The following DTL variants were observed in gnomAD, a reference collection of about 807,000 sequenced individuals.
DTL encodes denticleless protein homolog.
DTL carries 46 observed loss-of-function variants against 87.0 expected under a neutral mutation model. The ratio of observed to expected loss-of-function variants is 0.53; its 90% CI spans 0.42 to 0.68. The LOEUF is 0.68. Among genes scored for constraint, DTL ranks in the 30% least tolerant of loss-of-function variants. The pLI is 0.00. For synonymous variants in DTL, 308 were observed against 311.2 expected, an observed-to-expected ratio of 0.99 and a Z score of 0.11; for missense variants, 737 against 869.4, an observed-to-expected ratio of 0.85 and a Z score of 1.91.
In DTL at chr1:212,100,947, G is replaced by A; in HGVS notation, c.1957G>A (p.Glu653Lys). 1 of 1,614,178 alleles carries A rather than the reference G, an allele frequency of 6.2e-7. No homozygotes were observed. The highest frequency in any genetic ancestry group is 8.5e-7 in the Non-Finnish European group (1 of 1,180,020). Reference protein sequence around the residue: ...CGEGSEMVGKENSSPENKNWL... With the variant: ...CGEGSEMVGKKNSSPENKNWL... ...AGAAGGGTCTGAAATGGTAGGCAAA[G>A]AGAATAGTTCCCCAGAGAATAAAAA... Residue 653 changes from glutamate (E) to lysine (K), a missense_variant, in exon 14 of 15, where the codon GAG becomes AAG. Physicochemically the swap from Glu to Lys is moderately conservative, Grantham distance 56. Transcript: ENST00000366991.
chr1:212,089,589 A>G (rs760427526), intron 13 of DTL, among the ~76,000 whole-genome samples: 3 of 152,196 alleles, frequency 2.0e-5, no homozygotes, highest in African/African-American at 4.8e-5. Flanking sequence ...TTTTTTTACC[A>G]TTAACTTTCA....
At chr1:212,036,235 GC>G (rs1346675293) in intron 1 of DTL, among the ~76,000 whole-genome samples, 13 of 152,290 alleles carry the variant, frequency 8.5e-5, no homozygotes, top group Middle Eastern at 6.8e-3. Flanking sequence ...ACGGGAAAAT[GC>G]ATGCATTTGT....
intron 6 of DTL, among the ~76,000 whole-genome samples, 200 bp downstream of exon 6, chr1:212,063,149 T>G (rs1464580344): frequency 6.6e-6 from 1 of 152,186 alleles, no homozygotes; most frequent in Non-Finnish European, 1.5e-5. Flanking sequence ...TTACAAGTAT[T>G]ACACTCATGT....
chr1:212,098,846 G>A (rs947125273), intron 13 of DTL, among the ~76,000 whole-genome samples: 22 of 151,912 alleles, frequency 1.4e-4, no homozygotes, highest in Non-Finnish European at 2.8e-4. Flanking sequence ...AAGCAAGCAG[G>A]GCTGTTAGGC....
At chr1:212,076,738 A>G (rs192005977) in intron 11 of DTL, among the ~76,000 whole-genome samples, 10 of 152,316 alleles carry the variant, frequency 6.6e-5, no homozygotes, top group Non-Finnish European at 1.3e-4. Flanking sequence ...GGAGGAAAGG[A>G]AAATTTCTGT....
At chr1:212,100,184 TTGA>T in intron 13 of DTL, 65 bp from the exon 14 acceptor site, 1 of 1,259,590 alleles carries the variant, frequency 7.9e-7, no homozygotes, top group Non-Finnish European at 1.1e-6. Context: ...ATGATTTTTC[TTGA>T]TGAGAATTTA....
chr1:212,053,964 A>T (rs1238155750), intron 5 of DTL, among the ~76,000 whole-genome samples: 1 of 152,196 alleles, frequency 6.6e-6, no homozygotes, highest in Non-Finnish European at 1.5e-5. Context: ...TTAAGATTAT[A>T]TTCAGGACAT....
intron 13 of DTL, among the ~76,000 whole-genome samples, chr1:212,092,902 C>T (rs1239641345): frequency 2.0e-5 from 3 of 152,136 alleles, no homozygotes; most frequent in Non-Finnish European, 4.4e-5. Context: ...AAAGTGTTCC[C>T]TTTCCACCAC....
chr1:212,051,792 A>G lies in DTL; in HGVS notation c.460+4375A>G, dbSNP rs556921381. Reference sequence around the variant, plus strand: ...AACTTGTTTGTTTACAACAATGCCAACAGCATGCTGGGTAACATTGTAGAC... The same window carrying G: ...AACTTGTTTGTTTACAACAATGCCAGCAGCATGCTGGGTAACATTGTAGAC... On this transcript the variant is annotated intron_variant, in intron 5 of 14. Transcript: ENST00000366991. The G allele has an allele frequency of 3.2e-5, 24 of 743,428 alleles. No individual in the cohort carries two copies. In the African/African-American group the frequency reaches 3.5e-4, roughly 11 times the overall value. The allele number at this position is 743,428 out of a possible 1,614,324, so 46.1% of individuals were successfully genotyped here.
intron 5 of DTL, among the ~76,000 whole-genome samples, chr1:212,048,469 G>A (rs1334626763): frequency 6.6e-6 from 1 of 152,142 alleles, no homozygotes; most frequent in Admixed American, 6.5e-5. Context: ...GGGATTACAG[G>A]CATGAGCCAC....
intron 1 of DTL, among the ~76,000 whole-genome samples, chr1:212,036,751 A>G (rs1667480135): frequency 6.6e-6 from 1 of 152,202 alleles, no homozygotes. Context: ...CTTTTTGGTA[A>G]GTTTCAGATA....
intron 14 of DTL, among the ~76,000 whole-genome samples, chr1:212,101,420 C>T (rs1655622458): frequency 6.6e-6 from 1 of 152,162 alleles, no homozygotes; most frequent in Non-Finnish European, 1.5e-5. Flanking sequence ...AAGCCTTCAT[C>T]ATGCTCCAGG....
chr1:212,082,260 G>T (rs377527916), intron 13 of DTL, among the ~76,000 whole-genome samples: 1 of 152,180 alleles, frequency 6.6e-6, no homozygotes, highest in Admixed American at 6.5e-5. Flanking sequence ...AATGAGTGTT[G>T]TTTTGGTGGT....
At chr1:212,057,155 C>T (rs2970596) in intron 5 of DTL, among the ~76,000 whole-genome samples, 6,586 of 151,984 alleles carry the variant, frequency 0.043, 189 homozygotes, top group African/African-American at 0.074. Flanking sequence ...TCCAAGATCC[C>T]CACATGGATA....
intron 11 of DTL, among the ~76,000 whole-genome samples, chr1:212,077,087 A>G (rs898575557): frequency 8.5e-5 from 13 of 152,196 alleles, no homozygotes; most frequent in African/African-American, 3.1e-4. Context: ...ATTCTCACAA[A>G]TAATCATTCC....
At chr1:212,036,606 C>T (rs1203020583) in intron 1 of DTL, among the ~76,000 whole-genome samples, 2 of 152,204 alleles carry the variant, frequency 1.3e-5, no homozygotes, top group Admixed American at 6.5e-5. Context: ...CGGATCAAAA[C>T]GTCCAGTTTT....
At chr1:212,068,387 AGGCTAATTTCCAGTAACATTGATATG>A in intron 9 of DTL, 60 bp downstream of exon 9, 2 of 977,756 alleles carry the variant, frequency 2.0e-6, no homozygotes, top group Non-Finnish European at 3.0e-6. Flanking sequence ...AAAAAAAAAA[AGGCTAATTTCCAGTAACATTGATATG>A]AAAAATTCTA....
rs765070650 is a variant in DTL, at chr1:212,064,882, T to C, written c.527-35T>C. On this transcript the variant is annotated intron_variant, in intron 6 of 14. Transcript: ENST00000366991. ...ACATGTTATATTCAGCATGTAAGAA[T>C]CCTGAAACCTAAATTTCCTTGGAAT... 5 of 1,531,260 alleles carry C rather than the reference T, an allele frequency of 3.3e-6. No individual in the cohort carries two copies. The South Asian group carries it at 5.6e-5, about 17-fold the overall frequency. 94.9% of individuals were successfully genotyped at this position (1,531,260 alleles called of 1,614,324 possible).
chr1:212,071,368 G>C (rs1654664510), intron 10 of DTL, among the ~76,000 whole-genome samples: 1 of 152,090 alleles, frequency 6.6e-6, no homozygotes, highest in Non-Finnish European at 1.5e-5. Context: ...ACCTTCTTAG[G>C]ATAGAAGAAC....
Sources: allele counts gnomAD v4.1 joint callset (sites outside exome capture counted in the v4.1 genomes callset), GRCh38; gene constraint gnomAD v4.1.1; transcripts MANE v1.5; gene names NCBI Gene and HGNC (gene_info 2026-07-23, HGNC 2026-07-21).